Variants in PDZRN4 observed in about 807,000 individuals in gnomAD.
PDZRN4 encodes the protein PDZ domain containing ring finger 4.
Under a neutral mutation model 99.0 loss-of-function variants are expected in PDZRN4, and 70 were observed. That is an observed-to-expected ratio of 0.71 (90% CI 0.58 to 0.86). The LOEUF (loss-of-function observed/expected upper bound fraction) is 0.86. Among genes scored for constraint, PDZRN4 ranks in the 40% least tolerant of loss-of-function variants. The probability of loss-of-function intolerance (pLI) is 0.00; values close to 1 mark genes in which losing one functional copy is unlikely to be tolerated. For missense variants in PDZRN4, 1,474 were observed against 1,331.2 expected (o/e 1.11, Z -1.67); for synonymous variants, 551 against 501.6 (o/e 1.10, Z -1.32).
In PDZRN4 at chr12:41,188,811, C is replaced by G. The variant is rs760701809; in HGVS notation, c.356C>G (p.Ala119Gly). Residue 119 changes from alanine (A) to glycine (G), a missense_variant, in exon 1 of 10, where the codon GCT becomes GGT. Transcript: ENST00000402685. ...CGGCTCCGCAGCCGCGGGGGCTGCG[C>G]TTCGGGGCTGGGCGGTGGTGAGGTG... ...ARRLRSRGGCASGLGGGEVPA... is the reference protein window; with the variant it reads ...ARRLRSRGGCGSGLGGGEVPA... 1.0e-4 allele frequency: 138 copies of G among 1,343,240 alleles called. 1 individual carries two copies. In the African/African-American group the frequency reaches 2.0e-3, roughly 20 times the overall value. The allele number at this position is 1,343,240 out of a possible 1,614,324, so 83.2% of individuals were successfully genotyped here. A position where few individuals can be genotyped will look rare whatever the true frequency, so the allele number is the denominator to read the frequency against.
chr12:41,254,450 A>T (rs956438301), intron 3 of PDZRN4, among the ~76,000 whole-genome samples: 12 of 152,222 alleles, frequency 7.9e-5, no homozygotes, highest in African/African-American at 2.9e-4. Context: ...GTTACACCCA[A>T]ATGAAATCTT....
intron 3 of PDZRN4, among the ~76,000 whole-genome samples, chr12:41,257,969 A>G (rs1951214509): frequency 6.6e-6 from 1 of 152,184 alleles, no homozygotes. Flanking sequence ...TATTCAACAA[A>G]CTTTAGAGTA....
At chr12:41,507,569 G>A (rs1280070969) in intron 4 of PDZRN4, among the ~76,000 whole-genome samples, 1 of 152,032 alleles carries the variant, frequency 6.6e-6, no homozygotes, top group Non-Finnish European at 1.5e-5. Flanking sequence ...CCGTTTCAGT[G>A]GGTCACAGAT....
chr12:41,323,710 A>G (rs1029055197), intron 3 of PDZRN4, among the ~76,000 whole-genome samples: 3 of 151,984 alleles, frequency 2.0e-5, no homozygotes, highest in African/African-American at 7.2e-5. Context: ...TAATTTGAAC[A>G]TTTAATTTTT....
chr12:41,521,294 C>A (rs77137798), intron 5 of PDZRN4, among the ~76,000 whole-genome samples: 5 of 152,036 alleles, frequency 3.3e-5, no homozygotes, highest in African/African-American at 4.8e-5. Flanking sequence ...GCTCTTTTTG[C>A]TCTCTTGAGC....
At chr12:41,477,386 C>T (rs1937613132) in intron 3 of PDZRN4, among the ~76,000 whole-genome samples, 1 of 152,166 alleles carries the variant, frequency 6.6e-6, no homozygotes, top group Non-Finnish European at 1.5e-5. Flanking sequence ...AACAGGCTCT[C>T]ACACAAAGCA....
intron 3 of PDZRN4, among the ~76,000 whole-genome samples, chr12:41,348,941 C>T (rs10785243): frequency 9.9e-5 from 15 of 151,596 alleles, no homozygotes; most frequent in Non-Finnish European, 1.2e-4. Flanking sequence ...CATCTATGTA[C>T]GTATATGAAT....
intron 3 of PDZRN4, among the ~76,000 whole-genome samples, chr12:41,430,715 A>G (rs569896872): frequency 6.6e-5 from 10 of 152,354 alleles, no homozygotes; most frequent in African/African-American, 1.9e-4. Context: ...ACAATGTAAT[A>G]GAGATTTAAC....
chr12:41,366,042 G>A (rs1951997611), intron 3 of PDZRN4, among the ~76,000 whole-genome samples: 1 of 152,134 alleles, frequency 6.6e-6, no homozygotes, highest in Admixed American at 6.6e-5. Context: ...TCTGCTCTGA[G>A]CAGCTGCTCC....
chr12:41,357,039 T>C (rs1951932692), intron 3 of PDZRN4, among the ~76,000 whole-genome samples: 1 of 151,940 alleles, frequency 6.6e-6, no homozygotes, highest in African/African-American at 2.4e-5. Flanking sequence ...GTTTAAAGGT[T>C]TTTAATTTTT....
intron 3 of PDZRN4, among the ~76,000 whole-genome samples, chr12:41,251,420 T>A (rs2120809350): frequency 6.6e-6 from 1 of 152,314 alleles, no homozygotes; most frequent in Admixed American, 6.5e-5. Flanking sequence ...ATAAACTTTT[T>A]GTAAAGTATC....
At chr12:41,479,090 A>G (rs1238384031) in intron 3 of PDZRN4, among the ~76,000 whole-genome samples, 1 of 152,226 alleles carries the variant, frequency 6.6e-6, no homozygotes, top group Non-Finnish European at 1.5e-5. Flanking sequence ...AATACTCAAT[A>G]TCACAATTGA....
intron 3 of PDZRN4, among the ~76,000 whole-genome samples, chr12:41,250,060 A>G (rs1951158246): frequency 6.6e-6 from 1 of 152,192 alleles, no homozygotes. Flanking sequence ...ACAGACAACT[A>G]TGGAGAAAAT....
intron 3 of PDZRN4, among the ~76,000 whole-genome samples, chr12:41,388,872 A>G (rs1329611416): frequency 1.3e-5 from 2 of 152,178 alleles, no homozygotes; most frequent in Non-Finnish European, 2.9e-5. Flanking sequence ...TTTTAAAGCT[A>G]TCATGAGTTT....
chr12:41,196,095 A>T lies in PDZRN4; in HGVS notation c.843+1907A>T, dbSNP rs147372028. On this transcript the variant is annotated intron_variant, in intron 3 of 9. Coordinates refer to ENST00000402685, the MANE Select transcript of PDZRN4 (RefSeq NM_001164595.2). ...TTGTCATACAACAATTTGGTTACAA[A>T]CCTACTGTTTTTTTTAAAGAGGTAA... 1.2e-3 allele frequency among the ~76,000 whole-genome samples: 187 copies of T among 152,192 alleles called. 1 individual carries two copies. The highest frequency in any genetic ancestry group is 2.2e-3 in the Non-Finnish European group (149 of 67,952).
chr12:41,254,431 T>C (rs1219771696), intron 3 of PDZRN4, among the ~76,000 whole-genome samples: 1 of 152,194 alleles, frequency 6.6e-6, no homozygotes. Context: ...AAAACTATAA[T>C]GCTTAACAGT....
intron 3 of PDZRN4, among the ~76,000 whole-genome samples, chr12:41,472,294 C>T (rs770317716): frequency 4.6e-5 from 7 of 152,190 alleles, no homozygotes; most frequent in Non-Finnish European, 8.8e-5. Flanking sequence ...TGAGCCACGG[C>T]GCCTGGCCCT....
At chr12:41,311,385 T>C (rs1316238359) in intron 3 of PDZRN4, among the ~76,000 whole-genome samples, 2 of 152,078 alleles carry the variant, frequency 1.3e-5, no homozygotes, top group Non-Finnish European at 2.9e-5. Context: ...AATGAGGCGG[T>C]GTGATGTCAC....
chr12:41,295,828 TG>T lies in PDZRN4; in HGVS notation c.843+101642del, dbSNP rs1951489471. On this transcript the variant is annotated intron_variant, in intron 3 of 9. Coordinates refer to ENST00000402685, the MANE Select transcript of PDZRN4 (RefSeq NM_001164595.2). ...GTACGGTAAAGCTTGGGTGGAAGAA[TG>T]GTGAAATTATGGATGCTTTGCAAAA... 2.0e-5 allele frequency among the ~76,000 whole-genome samples: 3 copies of T among 152,132 alleles called. 1 individual carries two copies. The highest frequency in any genetic ancestry group is 4.4e-5 in the Non-Finnish European group (3 of 68,022).
Sources: gnomAD v4.1 joint callset for allele counts (sites outside exome capture counted in the v4.1 genomes callset) on GRCh38, gnomAD v4.1.1 for gene constraint, MANE v1.5 for transcripts, NCBI Gene and HGNC (gene_info 2026-07-23, HGNC 2026-07-21) for gene names.